The following NPHP4 variants were observed in gnomAD, a reference collection of about 807,000 sequenced individuals.
NPHP4 encodes nephrocystin 4.
A neutral mutation model predicts 155.8 loss-of-function variants in NPHP4; 151 were observed. The ratio of observed to expected loss-of-function variants is 0.97; its 90% CI spans 0.85 to 1.11. NPHP4 has a LOEUF of 1.11. NPHP4 is among the 50% of genes least tolerant of loss of function. NPHP4 has a pLI of 0.00. For synonymous variants in NPHP4, 845 were observed against 816.8 expected, an observed-to-expected ratio of 1.03 and a Z score of -0.59; for missense variants, 1,956 against 1,925.7, an observed-to-expected ratio of 1.02 and a Z score of -0.29.
intron 22 of NPHP4, chr1:5,873,773 G>A (rs1570126665): frequency 1.1e-5 from 3 of 279,122 alleles, no homozygotes; most frequent in African/African-American, 2.3e-5. Context: ...CCCCCTGCAG[G>A]CACACCTCAC....
At chr1:5,981,180 A>T (rs1654627301) in intron 2 of NPHP4, among the ~76,000 whole-genome samples, 1 of 151,916 alleles carries the variant, frequency 6.6e-6, no homozygotes, top group Non-Finnish European at 1.5e-5. Flanking sequence ...CCTCTCCTGC[A>T]CTCTCAGGAG....
At chr1:5,978,685 A>G (rs1259688884) in intron 2 of NPHP4, among the ~76,000 whole-genome samples, 1 of 152,182 alleles carries the variant, frequency 6.6e-6, no homozygotes, top group Non-Finnish European at 1.5e-5. Flanking sequence ...ACAAGAGGAC[A>G]TGACCACAGG....
intron 6 of NPHP4, among the ~76,000 whole-genome samples, chr1:5,955,211 C>G (rs1648946490): frequency 6.6e-6 from 1 of 152,080 alleles, no homozygotes; most frequent in African/African-American, 2.4e-5. Context: ...GAATGGCCAC[C>G]ATCAAAAAGA....
At chr1:5,970,589 A>G (rs1350902465) in intron 3 of NPHP4, among the ~76,000 whole-genome samples, 1 of 152,152 alleles carries the variant, frequency 6.6e-6, no homozygotes, top group Non-Finnish European at 1.5e-5. Flanking sequence ...GGGAATGCGC[A>G]TCCCCAGGCA....
At chr1:5,894,692 A>T (rs1644306707) in intron 16 of NPHP4, among the ~76,000 whole-genome samples, 1 of 152,216 alleles carries the variant, frequency 6.6e-6, no homozygotes. Context: ...AGCTCAAAAA[A>T]AAAATAGGAA....
At chr1:5,949,162 A>T (rs1647394313) in intron 7 of NPHP4, among the ~76,000 whole-genome samples, 1 of 152,200 alleles carries the variant, frequency 6.6e-6, no homozygotes, top group African/African-American at 2.4e-5. Flanking sequence ...TATTCCTAAA[A>T]CAACTCTACC....
At chr1:5,954,638 C>A (rs1156512958) in intron 6 of NPHP4, among the ~76,000 whole-genome samples, 1 of 152,124 alleles carries the variant, frequency 6.6e-6, no homozygotes, top group Non-Finnish European at 1.5e-5. Flanking sequence ...AAACTGGACA[C>A]CCACATGCAG....
intron 5 of NPHP4, among the ~76,000 whole-genome samples, chr1:5,964,012 A>G (rs1650873137): frequency 1.3e-5 from 2 of 152,166 alleles, no homozygotes; most frequent in South Asian, 4.1e-4. Context: ...AGAAACCCCT[A>G]AGGGTCGGTA....
intron 27 of NPHP4, chr1:5,864,728 T>G: frequency 1.8e-6 from 1 of 543,634 alleles, no homozygotes; most frequent in Non-Finnish European, 3.3e-6. Flanking sequence ...ACGGCGACTA[T>G]TCCCTAAGCG....
In NPHP4 at chr1:5,864,025, C is replaced by G. The variant is rs766005208; in HGVS notation, c.4005G>C (p.Glu1335Asp). ...TCCCTTCGCCCGCAGCCAACATGATCTCAAAGGCCTGTGGAGGGAGGGGAC... is the reference window on the plus strand; with the variant it reads ...TCCCTTCGCCCGCAGCCAACATGATGTCAAAGGCCTGTGGAGGGAGGGGAC... ...CRQPLISKAFEIMLAAGEGKG... is the reference protein window; with the variant it reads ...CRQPLISKAFDIMLAAGEGKG... Residue 1335 changes from glutamate (E) to aspartate (D), a missense_variant, in exon 29 of 30, where the codon GAG (glutamate) becomes GAC (aspartate). By Grantham distance (45) the Glu-to-Asp change is conservative. Transcript: ENST00000378156. 2 of 1,613,110 alleles carry G rather than the reference C, an allele frequency of 1.2e-6. No individual in the cohort carries two copies. The highest frequency in any genetic ancestry group is 2.2e-5 in the East Asian group (1 of 44,858).
At chr1:5,960,821 GA>G (rs1315240836) in intron 6 of NPHP4, among the ~76,000 whole-genome samples, 1 of 151,976 alleles carries the variant, frequency 6.6e-6, no homozygotes, top group Non-Finnish European at 1.5e-5. Flanking sequence ...CACCACCAGA[GA>G]ATCAACTTCT....
At chr1:5,904,380 G>T (rs1044553422) in intron 16 of NPHP4, among the ~76,000 whole-genome samples, 5 of 152,210 alleles carry the variant, frequency 3.3e-5, no homozygotes, top group Admixed American at 6.5e-5. Flanking sequence ...ATTCATACAT[G>T]AAATTATATA....
At chr1:5,869,230 CAT>C (rs1229950524) in intron 23 of NPHP4, among the ~76,000 whole-genome samples, 1 of 144,628 alleles carries the variant, frequency 6.9e-6, no homozygotes, top group African/African-American at 2.6e-5. Flanking sequence ...CATCCACCCA[CAT>C]GCACACACAC....
chr1:5,879,804 C>CACACACACGCAA (rs1557634414), intron 19 of NPHP4, among the ~76,000 whole-genome samples: 1 of 127,270 alleles, frequency 7.9e-6, no homozygotes, highest in African/African-American at 3.0e-5. Flanking sequence ...CGCAAACACA[C>CACACACACGCAA]ACACACACGC....
chr1:5,926,678 T>G (rs1209605918), intron 11 of NPHP4, among the ~76,000 whole-genome samples: 3 of 152,114 alleles, frequency 2.0e-5, no homozygotes, highest in Non-Finnish European at 4.4e-5. Context: ...AATTAGAATC[T>G]CAATCCATGA....
rs1259336180 is a variant in NPHP4, at chr1:5,866,417, A to T, written c.3600T>A (p.Ser1200Arg). The change falls in exon 26 of 30, where the codon AGT (serine) becomes AGA (arginine). Residue 1200 changes from serine to arginine, a missense_variant. By Grantham distance (110) the Ser-to-Arg change is moderately radical. Coordinates refer to ENST00000378156, the MANE Select transcript of NPHP4 (RefSeq NM_015102.5). ...AGTCTTTGATCTCCGGGCTTGGACC[A>T]CTGGCCACCTTCAGAAATATGTCCC... ...EPRDIFLKVASGPSPEIKDFF... is the reference protein window; with the variant it reads ...EPRDIFLKVARGPSPEIKDFF... 7 of 1,608,828 alleles carry T rather than the reference A, an allele frequency of 4.4e-6. No individual in the cohort carries two copies. The highest frequency in any genetic ancestry group is 1.3e-5 in the African/African-American group (1 of 74,816).
chr1:5,870,778 T>A (rs555052571), intron 23 of NPHP4, among the ~76,000 whole-genome samples: 2 of 152,178 alleles, frequency 1.3e-5, no homozygotes, highest in Middle Eastern at 3.2e-3. Flanking sequence ...CCCAAGTGCA[T>A]AACCTGGGTC....
At chr1:5,897,668 G>A (rs1644461707) in intron 16 of NPHP4, among the ~76,000 whole-genome samples, 1 of 152,132 alleles carries the variant, frequency 6.6e-6, no homozygotes, top group African/African-American at 2.4e-5. Flanking sequence ...GAATGCAGGC[G>A]ACTACGAGAT....
chr1:5,952,818 G>C lies in NPHP4; in HGVS notation c.692C>G (p.Pro231Arg), dbSNP rs1325516384. 6.2e-7 allele frequency: 1 copy of C among 1,601,116 alleles called. No individual in the cohort carries two copies. The highest frequency in any genetic ancestry group is 1.3e-5 in the African/African-American group (1 of 74,558). Residue 231 changes from proline to arginine, a missense_variant, in exon 7 of 30, where the codon CCT (proline) becomes CGT (arginine). Coordinates refer to ENST00000378156, the MANE Select transcript of NPHP4 (RefSeq NM_015102.5). ...HGESGDALRK[P>R]RLQKPITGHL... ...CCCCGTGATGGGCTTCTGGAGGCGA[G>C]GCTTTCGGAGAGCGTCGCCTGAAAC...
Sources: allele counts gnomAD v4.1 joint callset (sites outside exome capture counted in the v4.1 genomes callset), GRCh38; gene constraint gnomAD v4.1.1; transcripts MANE v1.5; gene names NCBI Gene and HGNC (gene_info 2026-07-23, HGNC 2026-07-21).